SMAP2: variants seen among roughly 807,000 people sequenced by gnomAD.
SMAP2 encodes small ArfGAP2.
Under a neutral mutation model 56.4 loss-of-function variants are expected in SMAP2, and 25 were observed. That is an observed-to-expected ratio of 0.44 (90% CI 0.32 to 0.62). The LOEUF is 0.62. Ranked by LOEUF, SMAP2 falls within the 20% of genes least tolerant of loss-of-function variation. SMAP2 has a pLI of 0.04. For synonymous variants in SMAP2, 157 were observed against 181.7 expected, an observed-to-expected ratio of 0.86 and a Z score of 1.09; for missense variants, 388 against 545.6, an observed-to-expected ratio of 0.71 and a Z score of 2.88.
At chr1:40,361,166 AG>A (rs1357241785) in intron 1 of SMAP2, among the ~76,000 whole-genome samples, 1 of 152,222 alleles carries the variant, frequency 6.6e-6, no homozygotes, top group East Asian at 1.9e-4. Context: ...ACAGTAGGAT[AG>A]GGCACCAGGC....
At chr1:40,419,429 C>T (rs1051720939) in intron 9 of SMAP2, among the ~76,000 whole-genome samples, 1 of 151,816 alleles carries the variant, frequency 6.6e-6, no homozygotes, top group African/African-American at 2.4e-5. Context: ...TACAGGCACC[C>T]GCCACCACAC....
At chr1:40,365,729 A>T (rs1259103877) in intron 2 of SMAP2, among the ~76,000 whole-genome samples, 1 of 152,176 alleles carries the variant, frequency 6.6e-6, no homozygotes, top group Non-Finnish European at 1.5e-5. Context: ...GACCAAAAGT[A>T]GATAAAACCA....
intron 7 of SMAP2, 144 bp downstream of exon 7, chr1:40,415,525 A>T: frequency 1.5e-6 from 1 of 679,932 alleles, no homozygotes; most frequent in Non-Finnish European, 2.6e-6. Flanking sequence ...ACATTGTGTC[A>T]TTTCTGTCAC....
chr1:40,411,218 C>T (rs1218183123), intron 4 of SMAP2, among the ~76,000 whole-genome samples: 1 of 152,196 alleles, frequency 6.6e-6, no homozygotes, highest in Non-Finnish European at 1.5e-5. Flanking sequence ...AGAAAAGGGA[C>T]TTGTCAATAT....
chr1:40,377,121 A>G (rs922531998), intron 1 of SMAP2, among the ~76,000 whole-genome samples: 2 of 152,052 alleles, frequency 1.3e-5, no homozygotes, highest in African/African-American at 4.8e-5. Context: ...CCTTGTCTCT[A>G]CAAATAGTTA....
Position 40,352,563 on chromosome 1 carries a change from G to A in SMAP2, c.-83+7653G>A, listed in dbSNP as rs183905740. Among the ~76,000 whole-genome samples the A allele has an allele frequency of 9.6e-3, 1,459 of 151,878 alleles. 11 individuals carry two copies. Among genetic ancestry groups the A allele is most frequent in the Admixed American group, 0.02 (302 of 15,234 alleles). On this transcript the variant is annotated intron_variant, in intron 1 of 6. Coordinates refer to the SMAP2 transcript ENST00000435168. ...CTATTTTTTTTTACTTTTAAAGACAGGATCTTGCTCTGTCATCCAAGCTGG... is the reference window on the plus strand; with the variant it reads ...CTATTTTTTTTTACTTTTAAAGACAAGATCTTGCTCTGTCATCCAAGCTGG...
rs555050252 is a variant in SMAP2, at chr1:40,377,227, G to A, written c.103+3004G>A. On this transcript the variant is annotated intron_variant, in intron 1 of 9. Transcript: ENST00000372718. ...CCTGGGCAACTGAGCCCAGGAGGTC[G>A]AAGCTGCAGTGGGCCATGATTGAGT... Among the ~76,000 whole-genome samples, 195 of 152,310 alleles carry A rather than the reference G, an allele frequency of 1.3e-3. 1 individual carries two copies. The highest frequency in any genetic ancestry group is 3.9e-3 in the African/African-American group (162 of 41,574).
rs2124161252 is a variant in SMAP2 at position 40,353,093 on chromosome 1, A to G, written c.-83+8183A>G. On this transcript the variant is annotated intron_variant, in intron 1 of 6. Transcript: ENST00000435168. ...CATCTCTCTTGCTGCCTCCTGCCAT[A>G]AGGGCTTTCCTGGTGTCCTTTGCAG... Among the ~76,000 whole-genome samples, 2 of 152,282 alleles carry G rather than the reference A, an allele frequency of 1.3e-5. 1 individual carries two copies. Among genetic ancestry groups the G allele is most frequent in the South Asian group, 4.1e-4 (2 of 4,826 alleles).
chr1:40,374,606 T>TGG lies in SMAP2; in HGVS notation c.103+384_103+385insGG. The TGG allele has an allele frequency of 7.6e-7, 1 of 1,317,286 alleles. No homozygotes were observed. The highest frequency in any genetic ancestry group is 1.0e-6 in the Non-Finnish European group (1 of 957,292). 81.6% of individuals were successfully genotyped at this position (1,317,286 alleles called of 1,614,324 possible). ...GTGCGTGCGTGCGTGCGTGTGTGTG[T>TGG]GTGTGTGTGTGTGTGTGTGAGAGAG... On this transcript the variant is annotated intron_variant, in intron 1 of 9. Transcript: ENST00000372718. This position sits in a 1 kb window ranked among gnomAD's most constrained non-coding sequence, Gnocchi z 5.9.
Position 40,416,259 on chromosome 1 carries a change from A to G in SMAP2, c.765A>G (p.Ser255=), listed in dbSNP as rs766416573. The G allele has an allele frequency of 3.7e-6, 6 of 1,614,106 alleles. No individual in the cohort carries two copies. In the South Asian group the frequency reaches 4.4e-5, roughly 12 times the overall value. ...LNLFPEPGSK[S]EEIGKKQLSK... is the part of the protein sequence containing the mutation. ...TGTTTCCGGAGCCAGGGAGCAAATC[A>G]GAAGAAATAGGCAAGAAACAGCTCT... is the stretch of plus-strand genomic sequence containing the variant. The change falls in exon 8 of 10, where the codon TCA becomes TCG. Residue 255 remains serine (S), a synonymous_variant. Transcript: ENST00000372718.
chr1:40,396,843 C>G (rs1189972200), intron 1 of SMAP2: 1 of 985,110 alleles, frequency 1.0e-6, no homozygotes, highest in Admixed American at 6.2e-5. Context: ...GTGTATTCTT[C>G]CTTTTCAGTG....
chr1:40,394,682 A>C (rs1644752261), intron 1 of SMAP2, among the ~76,000 whole-genome samples: 1 of 152,168 alleles, frequency 6.6e-6, no homozygotes, highest in African/African-American at 2.4e-5. Flanking sequence ...CAGCTCTCAG[A>C]CACTACCACC....
intron 1 of SMAP2, among the ~76,000 whole-genome samples, chr1:40,345,223 G>T (rs766179761): frequency 1.1e-4 from 16 of 151,862 alleles, no homozygotes; most frequent in Non-Finnish European, 1.8e-4. Flanking sequence ...GGGCAACATA[G>T]CAAGCTCCAT....
At chr1:40,358,600 C>T (rs755173243) in intron 1 of SMAP2, among the ~76,000 whole-genome samples, 5 of 152,168 alleles carry the variant, frequency 3.3e-5, no homozygotes, top group Non-Finnish European at 7.4e-5. Context: ...GCATGAGCCA[C>T]TGCACCTGGT....
chr1:40,391,551 T>C (rs1253925559), intron 1 of SMAP2, among the ~76,000 whole-genome samples: 1 of 152,188 alleles, frequency 6.6e-6, no homozygotes, highest in Non-Finnish European at 1.5e-5. Flanking sequence ...TTGTGAGTTA[T>C]GGATCGGGAC....
At chr1:40,413,966 T>G in intron 5 of SMAP2, 193 bp from the exon 6 acceptor site, 1 of 559,392 alleles carries the variant, frequency 1.8e-6, no homozygotes, top group Non-Finnish European at 3.2e-6. Context: ...GTTTTTCATT[T>G]TAGGTTTGGT....
intron 1 of SMAP2, chr1:40,375,898 G>A (rs552253764): frequency 1.5e-4 from 54 of 363,766 alleles, no homozygotes; most frequent in African/African-American, 1.1e-3. Context: ...ATGGAAGAGA[G>A]AGGCTGATTC....
At chr1:40,417,770 G>A (rs1053773732) in intron 9 of SMAP2, among the ~76,000 whole-genome samples, 5 of 152,096 alleles carry the variant, frequency 3.3e-5, no homozygotes, top group African/African-American at 1.2e-4. Flanking sequence ...GGTGGTGAAG[G>A]AAAGAAAGAC....
At chr1:40,394,493 T>C (rs1159683304) in intron 1 of SMAP2, among the ~76,000 whole-genome samples, 1 of 152,204 alleles carries the variant, frequency 6.6e-6, no homozygotes, top group Non-Finnish European at 1.5e-5. Context: ...GGGGGCTTCA[T>C]TGGCTTATGC....
Sources: allele counts gnomAD v4.1 joint callset (sites outside exome capture counted in the v4.1 genomes callset), GRCh38; gene constraint gnomAD v4.1.1; non-coding constraint Gnocchi (gnomAD v3.1); transcripts MANE v1.5; gene names NCBI Gene and HGNC (gene_info 2026-07-23, HGNC 2026-07-21).